The following DGKI variants were observed in gnomAD, a reference collection of about 807,000 sequenced individuals.
The protein encoded by DGKI is diacylglycerol kinase iota.
In DGKI, 55 loss-of-function variants were observed where a neutral mutation model predicts 147.5. That is an observed-to-expected ratio of 0.37 (90% CI 0.30 to 0.47). The LOEUF (loss-of-function observed/expected upper bound fraction) is 0.47, where lower values mean the gene tolerates loss of function less well. Among genes scored for constraint, DGKI ranks in the 20% least tolerant of loss-of-function variants. The pLI is 1.00. For synonymous variants in DGKI, 469 were observed against 477.1 expected (o/e 0.98, Z 0.22); for missense variants, 1,007 against 1,323.8 (o/e 0.76, Z 3.71).
At chr7:137,777,338 G>A (rs1424221751) in intron 1 of DGKI, among the ~76,000 whole-genome samples, 1 of 152,118 alleles carries the variant, frequency 6.6e-6, no homozygotes, top group African/African-American at 2.4e-5. Context: ...TTAAAACTGG[G>A]ATTCCACCAA....
At position 137,448,751 on chromosome 7, in the gene DGKI, G is replaced by A. The variant is rs565685222; in HGVS notation, c.2736-4649C>T. Among the ~76,000 whole-genome samples, 7 of 150,064 alleles carry A rather than the reference G, an allele frequency of 4.7e-5. 1 individual carries two copies. Among genetic ancestry groups the A allele is most frequent in the African/African-American group, 1.2e-4 (5 of 40,816 alleles). ...GGAGGAAGGGAGGGAGGGAAGGAAG[G>A]GAGGTAGGGGTAAATACAGCATTTG... On this transcript the variant is annotated intron_variant, in intron 27 of 32. Coordinates refer to ENST00000614521, the MANE Select transcript of DGKI (RefSeq NM_001321708.2).
intron 20 of DGKI, among the ~76,000 whole-genome samples, chr7:137,551,859 C>T (rs542608658): frequency 6.6e-6 from 1 of 152,086 alleles, no homozygotes; most frequent in African/African-American, 2.4e-5. Context: ...TATGGAGGAC[C>T]CCAAAATGGG....
At chr7:137,772,268 C>T (rs1337134911) in intron 1 of DGKI, 1 of 152,150 alleles carries the variant, frequency 6.6e-6, no homozygotes. Flanking sequence ...TACTTAACTC[C>T]ATGGCTACCT....
chr7:137,616,257 C>T lies in DGKI; in HGVS notation c.993+3567G>A, dbSNP rs954305548. ...ATCCTCAGATATAGAGTAAGAATAACAGGATACCTGCTCATAGGATACTAT... is the reference window on the plus strand; with the variant it reads ...ATCCTCAGATATAGAGTAAGAATAATAGGATACCTGCTCATAGGATACTAT... On this transcript the variant is annotated intron_variant, in intron 8 of 32. Transcript: ENST00000614521. Among the ~76,000 whole-genome samples, 3 of 152,128 alleles carry T rather than the reference C, an allele frequency of 2.0e-5. No homozygotes were observed. The South Asian group carries it at 6.2e-4, about 32-fold the overall frequency.
At chr7:137,410,756 G>A (rs1183672822) in intron 29 of DGKI, among the ~76,000 whole-genome samples, 1 of 152,206 alleles carries the variant, frequency 6.6e-6, no homozygotes, top group African/African-American at 2.4e-5. Context: ...ACCAAGGGCA[G>A]GAATCAATTT....
intron 1 of DGKI, chr7:137,722,127 C>T (rs903054689): frequency 2.2e-5 from 35 of 1,598,752 alleles, no homozygotes; most frequent in African/African-American, 5.3e-5. Flanking sequence ...GCAGCCGCAA[C>T]CCTGTCATTG....
At chr7:137,455,294 G>A (rs1422294438) in intron 27 of DGKI, among the ~76,000 whole-genome samples, 2 of 151,962 alleles carry the variant, frequency 1.3e-5, no homozygotes, top group African/African-American at 2.4e-5. Context: ...GGACAAGAGA[G>A]TTTCTCAGTT....
intron 28 of DGKI, among the ~76,000 whole-genome samples, chr7:137,436,217 T>G (rs900240861): frequency 1.3e-5 from 2 of 152,202 alleles, no homozygotes; most frequent in Non-Finnish European, 2.9e-5. Flanking sequence ...GACAGGAGAT[T>G]GGAACCCTAT....
chr7:137,744,494 T>C (rs1281076812), intron 1 of DGKI, among the ~76,000 whole-genome samples: 1 of 152,164 alleles, frequency 6.6e-6, no homozygotes. Context: ...CCAATCCTAC[T>C]GATACTCTTC....
chr7:137,500,000 G>T (rs1030017954), intron 21 of DGKI, among the ~76,000 whole-genome samples: 2 of 152,098 alleles, frequency 1.3e-5, no homozygotes, highest in Admixed American at 6.6e-5. Context: ...CCTGCCTCCA[G>T]ATCTTTTAGA....
intron 1 of DGKI, among the ~76,000 whole-genome samples, chr7:137,750,724 G>A (rs867957076): frequency 1.1e-4 from 17 of 152,112 alleles, no homozygotes; most frequent in Admixed American, 6.5e-5. Context: ...AGAAGACAGA[G>A]TCCTGAATGG....
chr7:137,404,234 A>T (rs950996017), intron 30 of DGKI, among the ~76,000 whole-genome samples: 20 of 152,368 alleles, frequency 1.3e-4, no homozygotes, highest in African/African-American at 4.8e-4. Context: ...CTGAATCAGC[A>T]ACTAAAGATA....
rs191490997 is a variant in DGKI, at chr7:137,384,489, A to T, written c.*6731T>A. The T allele has an allele frequency of 6.6e-6, 1 of 152,096 alleles. No individual in the cohort carries two copies. The highest frequency in any genetic ancestry group is 1.5e-5 in the Non-Finnish European group (1 of 67,946). The allele number at this position is 152,096 out of a possible 1,614,324, so 9.4% of individuals were successfully genotyped here. ...TGAAGGCAATGATGGAAAATGACTT[A>T]CTTAGAAAACATGTTAATATGTAAT... On this transcript the variant is annotated 3_prime_UTR_variant, in exon 33 of 33. Transcript: ENST00000614521.
intron 1 of DGKI, among the ~76,000 whole-genome samples, chr7:137,697,913 T>C (rs1823845446): frequency 6.6e-6 from 1 of 151,838 alleles, no homozygotes; most frequent in Non-Finnish European, 1.5e-5. Context: ...TATGTAGCTT[T>C]ATATATCTAT....
At chr7:137,412,282 T>A in intron 28 of DGKI, 75 bp from the exon 29 acceptor site, 1 of 1,275,036 alleles carries the variant, frequency 7.8e-7, no homozygotes, top group South Asian at 1.2e-5. Flanking sequence ...GTTGGATCCA[T>A]ATTTTGGATA....
chr7:137,387,006 G>T lies in DGKI; in HGVS notation c.*4214C>A, dbSNP rs563264893. 2.0e-5 allele frequency: 3 copies of T among 152,016 alleles called. No homozygotes were observed. Among genetic ancestry groups the T allele is most frequent in the Admixed American group, 2.0e-4 (3 of 15,246 alleles). 9.4% of individuals were successfully genotyped at this position (152,016 alleles called of 1,614,324 possible). A position where few individuals can be genotyped will look rare whatever the true frequency, so the allele number is the denominator to read the frequency against. On this transcript the variant is annotated 3_prime_UTR_variant, in exon 33 of 33. Transcript: ENST00000614521. ...AGTCCCATTTTTAAATAGCATAATT[G>T]AATAAAATATGCTGTTCTCAGTGAT...
intron 1 of DGKI, among the ~76,000 whole-genome samples, chr7:137,736,699 A>G (rs1234013001): frequency 6.6e-6 from 1 of 152,104 alleles, no homozygotes; most frequent in Non-Finnish European, 1.5e-5. Flanking sequence ...ACCATATGGG[A>G]TCTTCTGTGG....
chr7:137,584,921 CATGA>C (rs1819332516), intron 14 of DGKI, among the ~76,000 whole-genome samples: 1 of 152,136 alleles, frequency 6.6e-6, no homozygotes, highest in African/African-American at 2.4e-5. Context: ...TTGCTATTAA[CATGA>C]ATGATTAAGA....
chr7:137,606,742 C>T (rs1430607348), intron 10 of DGKI, among the ~76,000 whole-genome samples: 7 of 152,208 alleles, frequency 4.6e-5, no homozygotes, highest in Non-Finnish European at 1.0e-4. Flanking sequence ...TATCCTGTTT[C>T]TTGAAGACGT....
Sources: gnomAD v4.1 joint callset for allele counts (sites outside exome capture counted in the v4.1 genomes callset) on GRCh38, gnomAD v4.1.1 for gene constraint, MANE v1.5 for transcripts, NCBI Gene and HGNC (gene_info 2026-07-23, HGNC 2026-07-21) for gene names.